Variants in SLC25A24 observed in about 807,000 individuals in gnomAD.
The protein encoded by SLC25A24 is mitochondrial adenyl nucleotide antiporter SLC25A24.
Under a neutral mutation model 60.7 loss-of-function variants are expected in SLC25A24, and 49 were observed. The ratio of observed to expected loss-of-function variants is 0.81; its 90% CI spans 0.64 to 1.02. SLC25A24 has a LOEUF of 1.02. SLC25A24 is among the 50% of genes least tolerant of loss of function. The pLI is 0.00. For synonymous variants in SLC25A24, 202 were observed against 200.6 expected, an observed-to-expected ratio of 1.01 and a Z score of -0.06; for missense variants, 564 against 586.3, an observed-to-expected ratio of 0.96 and a Z score of 0.39.
intron 3 of SLC25A24, among the ~76,000 whole-genome samples, chr1:108,175,632 A>G (rs1647646868): frequency 6.6e-6 from 1 of 152,104 alleles, no homozygotes; most frequent in African/African-American, 2.4e-5. Context: ...TGAGGCTGCA[A>G]TGAGCCATGA....
chr1:108,138,927 G>A (rs2101594850), intron 9 of SLC25A24, 131 bp downstream of exon 9: 2 of 872,922 alleles, frequency 2.3e-6, no homozygotes, highest in Middle Eastern at 3.2e-4. Flanking sequence ...CCTTAAGGAG[G>A]CAATAATGAA....
chr1:108,182,970 A>G (rs762241202), intron 2 of SLC25A24, among the ~76,000 whole-genome samples: 18 of 152,232 alleles, frequency 1.2e-4, no homozygotes, highest in Non-Finnish European at 2.5e-4. Context: ...ATCAGAAGAC[A>G]GGAAGAGAAA....
chr1:108,153,587 T>C (rs1679809637), intron 6 of SLC25A24, among the ~76,000 whole-genome samples: 2 of 152,262 alleles, frequency 1.3e-5, no homozygotes, highest in South Asian at 2.1e-4. Flanking sequence ...GAGGGATGAA[T>C]GGACCTTCAG....
At chr1:108,177,601 A>G (rs920669171) in intron 3 of SLC25A24, among the ~76,000 whole-genome samples, 1 of 152,200 alleles carries the variant, frequency 6.6e-6, no homozygotes. Flanking sequence ...ACCAAAGGAG[A>G]GCAGGAGTAA....
intron 9 of SLC25A24, among the ~76,000 whole-genome samples, chr1:108,138,711 C>A (rs1214578283): frequency 2.6e-5 from 4 of 152,066 alleles, no homozygotes; most frequent in African/African-American, 9.7e-5. Flanking sequence ...ATTAAAAACC[C>A]CAAGAAGTCT....
At chr1:108,163,572 TC>T (rs1680153729) in intron 3 of SLC25A24, among the ~76,000 whole-genome samples, 1 of 152,126 alleles carries the variant, frequency 6.6e-6, no homozygotes, top group African/African-American at 2.4e-5. Flanking sequence ...GAACGGGAGT[TC>T]ACTCATGATT....
chr1:108,168,282 T>C (rs1571297536), intron 3 of SLC25A24, among the ~76,000 whole-genome samples: 1 of 152,158 alleles, frequency 6.6e-6, no homozygotes, highest in Non-Finnish European at 1.5e-5. Context: ...ACTACTTACA[T>C]TTATAATATA....
At chr1:108,188,303 T>C (rs899112912) in intron 1 of SLC25A24, among the ~76,000 whole-genome samples, 5 of 152,044 alleles carry the variant, frequency 3.3e-5, no homozygotes, top group Non-Finnish European at 5.9e-5. Flanking sequence ...CAGGGTTCAA[T>C]TGTACCCCAA....
At chr1:108,165,154 GAGAT>G (rs1190288329) in intron 3 of SLC25A24, among the ~76,000 whole-genome samples, 1 of 151,630 alleles carries the variant, frequency 6.6e-6, no homozygotes, top group African/African-American at 2.4e-5. Flanking sequence ...TGTGGTCTGA[GAGAT>G]AGTTTGCTAT....
chr1:108,157,216 G>A (rs1417154967), intron 5 of SLC25A24, among the ~76,000 whole-genome samples: 1 of 152,162 alleles, frequency 6.6e-6, no homozygotes, highest in Non-Finnish European at 1.5e-5. Context: ...TGAATTAAAT[G>A]TTTGAATAGT....
intron 7 of SLC25A24, among the ~76,000 whole-genome samples, chr1:108,148,022 G>A (rs1260017347): frequency 1.3e-5 from 2 of 152,150 alleles, no homozygotes; most frequent in South Asian, 4.1e-4. Context: ...AATAGCCAGT[G>A]AGGCCTGGCA....
chr1:108,160,573 T>C (rs957120595), intron 4 of SLC25A24, among the ~76,000 whole-genome samples: 6 of 152,154 alleles, frequency 3.9e-5, no homozygotes, highest in Non-Finnish European at 7.3e-5. Context: ...GCTGCAATCT[T>C]GGCACTTTGG....
intron 6 of SLC25A24, among the ~76,000 whole-genome samples, chr1:108,153,864 G>T (rs1228848778): frequency 6.6e-6 from 1 of 152,098 alleles, no homozygotes; most frequent in East Asian, 1.9e-4. Flanking sequence ...CAAACTTCTT[G>T]CATACTGAAA....
intron 6 of SLC25A24, among the ~76,000 whole-genome samples, chr1:108,154,558 C>A (rs10785836): frequency 3.3e-5 from 5 of 151,666 alleles, no homozygotes; most frequent in African/African-American, 7.3e-5. Flanking sequence ...ACGCCCCTGC[C>A]TTCATGGAGG....
intron 3 of SLC25A24, among the ~76,000 whole-genome samples, chr1:108,179,766 T>C (rs1457228272): frequency 1.3e-5 from 2 of 152,120 alleles, no homozygotes; most frequent in Non-Finnish European, 1.5e-5. Context: ...CAGCTTGACA[T>C]GAGGAATAAG....
In SLC25A24 at chr1:108,137,022, T is replaced by C. The variant is rs532545611; in HGVS notation, c.1250-185A>G. On this transcript the variant is annotated intron_variant, in intron 9 of 9. Coordinates refer to ENST00000565488, the MANE Select transcript of SLC25A24 (RefSeq NM_013386.5). ...AGCACCTAACAGTGAGTGTCCTAAC[T>C]ATAGTAATGATGGTAATAATAGTTA... Among the ~76,000 whole-genome samples, 20 of 152,358 alleles carry C rather than the reference T, an allele frequency of 1.3e-4. No individual in the cohort carries two copies. In the South Asian group the frequency reaches 3.1e-3, roughly 24 times the overall value.
rs894822786 is a variant in SLC25A24, at chr1:108,192,864, G to A, written c.184-6910C>T. 7.3e-5 allele frequency: 66 copies of A among 902,346 alleles called. 6 individuals are homozygous for A. Among genetic ancestry groups the A allele is most frequent in the Non-Finnish European group, 8.4e-5 (59 of 703,104 alleles). 55.9% of individuals were successfully genotyped at this position (902,346 alleles called of 1,614,324 possible). A position where few individuals can be genotyped will look rare whatever the true frequency, so the allele number is the denominator to read the frequency against. On this transcript the variant is annotated intron_variant, in intron 1 of 9. Transcript: ENST00000565488. Reference sequence around the variant, plus strand: ...CAGGACCCGGGACCTGCGTGGGACCGCACTCTGGGCTGCGCTGGGAGACCG... The same window carrying A: ...CAGGACCCGGGACCTGCGTGGGACCACACTCTGGGCTGCGCTGGGAGACCG...
In SLC25A24 at chr1:108,157,611, T is replaced by C. The variant is rs1408831851; in HGVS notation, c.520A>G (p.Ile174Val). Residue 174 changes from isoleucine to valine, a missense_variant, in exon 5 of 10, where the codon ATA (isoleucine) becomes GTA (valine). Coordinates refer to ENST00000565488, the MANE Select transcript of SLC25A24 (RefSeq NM_013386.5). ...TCTGGAATAGTTAAGCTATCCCCTA[T>C]GTCAATTCCCTGTAAAAATGAAAAA... Reference protein sequence around the residue: ...RFWKHSTGIDIGDSLTIPDEF... With the variant: ...RFWKHSTGIDVGDSLTIPDEF... The C allele has an allele frequency of 3.1e-6, 5 of 1,612,614 alleles. No individual in the cohort carries two copies. The highest frequency in any genetic ancestry group is 1.6e-4 in the Middle Eastern group (1 of 6,072).
intron 3 of SLC25A24, among the ~76,000 whole-genome samples, chr1:108,172,993 G>A (rs112702720): frequency 8.6e-4 from 131 of 152,254 alleles, no homozygotes; most frequent in African/African-American, 3.0e-3. Context: ...TCAAAGCCAT[G>A]AGATATCACT....
Sources: gnomAD v4.1 joint callset for allele counts (sites outside exome capture counted in the v4.1 genomes callset) on GRCh38, gnomAD v4.1.1 for gene constraint, MANE v1.5 for transcripts, NCBI Gene and HGNC (gene_info 2026-07-23, HGNC 2026-07-21) for gene names.